Variants in ACSM5 observed in about 807,000 individuals in gnomAD.
ACSM5 encodes acyl-coenzyme A synthetase ACSM5, mitochondrial.
A neutral mutation model predicts 71.6 loss-of-function variants in ACSM5; 56 were observed. The ratio of observed to expected loss-of-function variants is 0.78; its 90% CI spans 0.63 to 0.98. The LOEUF (loss-of-function observed/expected upper bound fraction) is 0.98. Among genes scored for constraint, ACSM5 ranks in the 50% least tolerant of loss-of-function variants. The pLI is 0.00. For synonymous variants in ACSM5, 285 were observed against 281.5 expected, an observed-to-expected ratio of 1.01 and a Z score of -0.12; for missense variants, 723 against 726.0, an observed-to-expected ratio of 1.00 and a Z score of 0.05.
At chr16:20,428,038 G>A (rs12922410) in intron 7 of ACSM5, among the ~76,000 whole-genome samples, 171 bp downstream of exon 7, 171 of 151,804 alleles carry the variant, frequency 1.1e-3, no homozygotes, top group East Asian at 7.4e-3. Context: ...ATTTATACAC[G>A]TACACATTGA....
chr16:20,428,679 A>G (rs1371007187), intron 7 of ACSM5, among the ~76,000 whole-genome samples: 3 of 152,176 alleles, frequency 2.0e-5, no homozygotes, highest in Non-Finnish European at 4.4e-5. Context: ...AATGTAAGAA[A>G]ATCATCCCAT....
rs374265273 is a variant in ACSM5 at position 20,421,401 on chromosome 16, G to A, written c.767G>A (p.Arg256Lys). 6.3e-6 allele frequency: 10 copies of A among 1,596,030 alleles called. No homozygotes were observed. Among genetic ancestry groups the A allele is most frequent in the Non-Finnish European group, 7.7e-6 (9 of 1,169,048 alleles). ...SYGLGFVASGRRWVALTESDI... is the reference protein window; with the variant it reads ...SYGLGFVASGKRWVALTESDI... ...GGACTGGGTTTTGTGGCCAGCGGAA[G>A]GTACCAGAGCAGCTTGTCTAGAGGA... is the stretch of plus-strand genomic sequence containing the variant. Residue 256 changes from arginine to lysine, a missense_variant and splice_region_variant, in exon 5 of 14, where the codon AGA becomes AAA. Physicochemically the swap from Arg to Lys is conservative, Grantham distance 26 (BLOSUM62 2). Coordinates refer to ENST00000331849, the MANE Select transcript of ACSM5 (RefSeq NM_017888.3).
intron 10 of ACSM5, among the ~76,000 whole-genome samples, chr16:20,434,379 T>G (rs1258772314): frequency 6.6e-6 from 1 of 152,212 alleles, no homozygotes; most frequent in East Asian, 1.9e-4. Flanking sequence ...TTATCTGTCA[T>G]GCTAATTTTG....
chr16:20,435,942 TC>T, intron 10 of ACSM5, among the ~76,000 whole-genome samples: 1 of 150,324 alleles, frequency 6.7e-6, no homozygotes, highest in Non-Finnish European at 1.5e-5. Flanking sequence ...TTTCTTTCCT[TC>T]CTTCCTTCCT....
rs113795675 is a variant in ACSM5, at chr16:20,431,341, C to T, written c.1308+20C>T. On this transcript the variant is annotated intron_variant, in intron 10 of 13. Transcript: ENST00000331849. Reference sequence around the variant, plus strand: ...TATTTGGTAAGAGACGGGGAACAGCCGTTCTCATGACAGTGACTGTGTGCT... The same window carrying T: ...TATTTGGTAAGAGACGGGGAACAGCTGTTCTCATGACAGTGACTGTGTGCT... 74 of 1,581,582 alleles carry T rather than the reference C, an allele frequency of 4.7e-5. No homozygotes were observed. The African/African-American group carries it at 4.7e-4, about 10-fold the overall frequency.
chr16:20,411,842 AG>A, intron 2 of ACSM5, 154 bp downstream of exon 2: 2 of 758,582 alleles, frequency 2.6e-6, no homozygotes, highest in Admixed American at 5.1e-5. Flanking sequence ...TTTGAGACTT[AG>A]GAAAAAATTC....
At chr16:20,434,458 C>T (rs1967156373) in intron 10 of ACSM5, among the ~76,000 whole-genome samples, 1 of 152,170 alleles carries the variant, frequency 6.6e-6, no homozygotes, top group African/African-American at 2.4e-5. Context: ...CTTTGGGAGG[C>T]CAAGGCTGGT....
chr16:20,433,253 T>C (rs1596622882), intron 10 of ACSM5, among the ~76,000 whole-genome samples: 2 of 152,246 alleles, frequency 1.3e-5, no homozygotes, highest in African/African-American at 4.8e-5. Flanking sequence ...AGACCAAAAT[T>C]GTTCTGTGAG....
At chr16:20,436,918 G>T (rs999472143) in intron 10 of ACSM5, 134 bp from the exon 11 acceptor site, 6 of 976,774 alleles carry the variant, frequency 6.1e-6, no homozygotes, top group Admixed American at 2.5e-5. Context: ...GGGAACTCTG[G>T]GCAGCCGGGA....
rs747860842 is a variant in ACSM5, at chr16:20,424,059, T to C, written c.911T>C (p.Val304Ala). The change falls in exon 6 of 14, where the codon GTT becomes GCT. Residue 304 changes from valine (V) to alanine (A), a missense_variant. By Grantham distance (64) the Val-to-Ala change is moderately conservative (BLOSUM62 0). Transcript: ENST00000331849. ...VHELPRVDAK[V>A]ILNTLSKFPI... ...GAGCTGCCCCGAGTTGATGCCAAAGTTATCCTGAATGTAAGAGGAAAAACC... is the reference window on the plus strand; with the variant it reads ...GAGCTGCCCCGAGTTGATGCCAAAGCTATCCTGAATGTAAGAGGAAAAACC... 3 of 1,614,064 alleles carry C rather than the reference T, an allele frequency of 1.9e-6. No homozygotes were observed. The highest frequency in any genetic ancestry group is 1.1e-5 in the South Asian group (1 of 91,074).
chr16:20,419,185 C>G (rs375727673), intron 3 of ACSM5, 43 bp from the exon 4 acceptor site: 174 of 1,603,932 alleles, frequency 1.1e-4, no homozygotes, highest in Non-Finnish European at 1.3e-4. Flanking sequence ...TACCCAAGGC[C>G]TTCCCCGCTA....
At chr16:20,437,943 AC>A (rs61319442) in intron 12 of ACSM5, among the ~76,000 whole-genome samples, 14 of 150,762 alleles carry the variant, frequency 9.3e-5, no homozygotes, top group Admixed American at 4.0e-4. Context: ...CTGCCCCAGC[AC>A]CCCCCCCAGT....
At chr16:20,421,157 G>T in intron 4 of ACSM5, 101 bp from the exon 5 acceptor site, 6 of 1,392,688 alleles carry the variant, frequency 4.3e-6, no homozygotes, top group Non-Finnish European at 5.7e-6. Context: ...CCTCACATGT[G>T]GTATTTATGA....
At chr16:20,424,721 C>T (rs9929808) in intron 6 of ACSM5, among the ~76,000 whole-genome samples, 41,183 of 152,226 alleles carry the variant, frequency 0.27, 11,298 homozygotes, top group African/African-American at 0.71. Context: ...CTTGGGGAAG[C>T]TGCTTAATCT....
At position 20,441,149 on chromosome 16, in the gene ACSM5, C is replaced by A. The variant is rs886443787; in HGVS notation, c.*722C>A. The A allele has an allele frequency of 1.3e-5, 2 of 152,062 alleles. No homozygotes were observed. The highest frequency in any genetic ancestry group is 1.3e-4 in the Admixed American group (2 of 15,258). The allele number at this position is 152,062 out of a possible 1,614,324, so 9.4% of individuals were successfully genotyped here. A position where few individuals can be genotyped will look rare whatever the true frequency, so the allele number is the denominator to read the frequency against. On this transcript the variant is annotated 3_prime_UTR_variant, in exon 14 of 14. Coordinates refer to ENST00000331849, the MANE Select transcript of ACSM5 (RefSeq NM_017888.3). ...AGCAAAAATATTCATACTGGAGAAT[C>A]CCAACTCTGAAAAATAAAGGGAAAA... is the stretch of plus-strand genomic sequence containing the variant.
chr16:20,430,613 G>A (rs1967073907), intron 8 of ACSM5, among the ~76,000 whole-genome samples: 1 of 151,828 alleles, frequency 6.6e-6, no homozygotes, highest in Non-Finnish European at 1.5e-5. Context: ...AGGAGGAAAG[G>A]AAGGGAAAAA....
chr16:20,415,297 T>C (rs1238873637), intron 2 of ACSM5, among the ~76,000 whole-genome samples: 6 of 152,304 alleles, frequency 3.9e-5, no homozygotes, highest in Middle Eastern at 3.4e-3. Flanking sequence ...TCCAAGAGTG[T>C]GGTTGGACAA....
At chr16:20,422,982 C>G (rs1413011472) in intron 5 of ACSM5, among the ~76,000 whole-genome samples, 1 of 152,152 alleles carries the variant, frequency 6.6e-6, no homozygotes, top group Non-Finnish European at 1.5e-5. Context: ...ATTTGAGAGT[C>G]TTCTTAGAAA....
intron 5 of ACSM5, among the ~76,000 whole-genome samples, chr16:20,423,322 C>T (rs112887089): frequency 0.044 from 6,769 of 152,276 alleles, 162 homozygotes; most frequent in South Asian, 0.061. Context: ...TCCATGTTTG[C>T]AGACACTGTT....
Sources: gnomAD v4.1 joint callset for allele counts (sites outside exome capture counted in the v4.1 genomes callset) on GRCh38, gnomAD v4.1.1 for gene constraint, MANE v1.5 for transcripts, NCBI Gene and HGNC (gene_info 2026-07-23, HGNC 2026-07-21) for gene names.